RTL4: variants seen among roughly 807,000 people sequenced by gnomAD.
RTL4 encodes the protein retrotransposon Gag-like protein 4.
Under a neutral mutation model 5.3 loss-of-function variants are expected in RTL4, and 4 were observed. The observed-to-expected ratio is 0.75, with a 90% CI of 0.37 to 1.72. The LOEUF (loss-of-function observed/expected upper bound fraction) is 1.72, where lower values mean the gene tolerates loss of function less well. RTL4 is among the 40% of genes most tolerant of loss of function. The probability of loss-of-function intolerance (pLI) is 0.04; values close to 1 mark genes in which losing one functional copy is unlikely to be tolerated. For missense variants in RTL4, 260 were observed against 227.1 expected, an observed-to-expected ratio of 1.14 and a Z score of -0.93; for synonymous variants, 98 against 87.3, an observed-to-expected ratio of 1.12 and a Z score of -0.68.
chrX:112,334,685 A>T, the RTL4 span, among the ~76,000 whole-genome samples: 1 of 112,207 alleles, frequency 8.9e-6, no homozygotes, highest in African/African-American at 3.2e-5. Context: ...TAAACATTTT[A>T]TGTAATTACT....
the RTL4 span, among the ~76,000 whole-genome samples, chrX:112,114,652 T>G: frequency 9.1e-6 from 1 of 110,461 alleles, no homozygotes; most frequent in East Asian, 2.9e-4. Context: ...AGACAGGAGG[T>G]TTTGTGGTCC....
At chrX:112,211,635 G>A in the RTL4 span, among the ~76,000 whole-genome samples, 1 of 112,044 alleles carries the variant, frequency 8.9e-6, no homozygotes, top group South Asian at 3.7e-4. Context: ...TTTGGTGCTG[G>A]CAGCCCACAA....
chrX:112,347,733 C>G, the RTL4 span, among the ~76,000 whole-genome samples: 7 of 111,625 alleles, frequency 6.3e-5, no homozygotes, highest in Middle Eastern at 4.6e-3. Context: ...AAATAAAAAG[C>G]CACAGAATCT....
chrX:112,324,961 C>CA, the RTL4 span, among the ~76,000 whole-genome samples: 1 of 111,243 alleles, frequency 9.0e-6, no homozygotes, highest in African/African-American at 3.3e-5. Flanking sequence ...ATTAAGGATA[C>CA]AAAATCAATA....
chrX:112,158,543 G>A, the RTL4 span, among the ~76,000 whole-genome samples: 5 of 108,693 alleles, frequency 4.6e-5, no homozygotes, highest in Admixed American at 9.9e-5. Context: ...CATAGAATAC[G>A]AATTTTTTTA....
the RTL4 span, among the ~76,000 whole-genome samples, chrX:112,307,698 C>T: frequency 8.9e-6 from 1 of 111,918 alleles, no homozygotes. Context: ...CCACATTTAA[C>T]TTTCACTCAT....
At chrX:112,248,699 C>T in the RTL4 span, among the ~76,000 whole-genome samples, 8 of 111,618 alleles carry the variant, frequency 7.2e-5, no homozygotes, top group South Asian at 7.5e-4. Flanking sequence ...AGTATCTCTT[C>T]GGTAGGATAA....
chrX:112,353,776 A>G, the RTL4 span, among the ~76,000 whole-genome samples: 3 of 110,548 alleles, frequency 2.7e-5, no homozygotes, highest in Admixed American at 9.7e-5. Context: ...TGGCACATGT[A>G]TACATATGTA....
upstream of RTL4, among the ~76,000 whole-genome samples, chrX:112,450,089 AG>A (rs1289881984): frequency 8.9e-6 from 1 of 112,337 alleles, no homozygotes; most frequent in Admixed American, 9.4e-5. Context: ...TTTAGGTCAA[AG>A]CTCCTCTTCC....
At chrX:112,092,039 C>G in the RTL4 span, among the ~76,000 whole-genome samples, 1 of 111,204 alleles carries the variant, frequency 9.0e-6, no homozygotes, top group South Asian at 3.7e-4. Flanking sequence ...TTATAGGTAT[C>G]CTAAGCCTTT....
the RTL4 span, among the ~76,000 whole-genome samples, chrX:112,166,712 G>C: frequency 9.0e-6 from 1 of 111,637 alleles, no homozygotes; most frequent in Non-Finnish European, 1.9e-5. Flanking sequence ...AGACTGCCTG[G>C]TTTTACCACT....
chrX:112,245,287 T>C, the RTL4 span, among the ~76,000 whole-genome samples: 5 of 111,962 alleles, frequency 4.5e-5, no homozygotes, highest in East Asian at 1.4e-3. Context: ...TCCTGAAGTG[T>C]GTTTTCCAGC....
At chrX:112,373,953 CAG>C in the RTL4 span, among the ~76,000 whole-genome samples, 4 of 110,593 alleles carry the variant, frequency 3.6e-5, no homozygotes, top group Admixed American at 2.9e-4. Flanking sequence ...CATGTTTTAT[CAG>C]TAGTTTGTTT....
At chrX:112,172,394 GA>G in the RTL4 span, among the ~76,000 whole-genome samples, 4 of 110,964 alleles carry the variant, frequency 3.6e-5, no homozygotes, top group Admixed American at 9.6e-5. Context: ...GCAAACATAT[GA>G]AAAAAAACCT....
the RTL4 span, among the ~76,000 whole-genome samples, chrX:112,153,581 T>C: frequency 4.0e-4 from 45 of 112,304 alleles, no homozygotes; most frequent in African/African-American, 1.3e-3. Flanking sequence ...ACATTTAGGC[T>C]TTCTGTAAGC....
At chrX:112,120,874 C>T in the RTL4 span, among the ~76,000 whole-genome samples, 3 of 111,658 alleles carry the variant, frequency 2.7e-5, no homozygotes, top group Non-Finnish European at 5.6e-5. Context: ...ATGCCCAGGG[C>T]ACTCTGAATG....
the RTL4 span, among the ~76,000 whole-genome samples, chrX:112,191,774 CA>C: frequency 2.7e-5 from 3 of 111,769 alleles, no homozygotes; most frequent in African/African-American, 9.7e-5. Flanking sequence ...TCAGTGAACT[CA>C]TCAAGTGATT....
the RTL4 span, among the ~76,000 whole-genome samples, chrX:112,181,402 A>C: frequency 1.8e-5 from 2 of 111,960 alleles, no homozygotes; most frequent in Non-Finnish European, 3.8e-5. Flanking sequence ...TCCCACCATC[A>C]CGGAGCCCAG....
the RTL4 span, among the ~76,000 whole-genome samples, chrX:112,112,254 C>T: frequency 8.9e-6 from 1 of 111,844 alleles, no homozygotes; most frequent in Non-Finnish European, 1.9e-5. Context: ...GAAGTTTTGT[C>T]CTGTGGGAAG....
Sources: gnomAD v4.1 joint callset for allele counts (sites outside exome capture counted in the v4.1 genomes callset) on GRCh38, gnomAD v4.1.1 for gene constraint, MANE v1.5 for transcripts, NCBI Gene and HGNC (gene_info 2026-07-23, HGNC 2026-07-21) for gene names.